Variants in PTPRZ1 observed in about 807,000 individuals in gnomAD.
The protein encoded by PTPRZ1 is receptor-type tyrosine-protein phosphatase zeta.
PTPRZ1 carries 82 observed loss-of-function variants against 214.1 expected under a neutral mutation model. The ratio of observed to expected loss-of-function variants is 0.38; its 90% confidence interval spans 0.32 to 0.46. PTPRZ1 has a LOEUF of 0.46. Ranked by LOEUF, PTPRZ1 falls within the 20% of genes least tolerant of loss-of-function variation. The pLI, the probability that PTPRZ1 is intolerant of heterozygous loss-of-function variation, is 1.00. For missense variants in PTPRZ1, 2,603 were observed against 2,748.7 expected, an observed-to-expected ratio of 0.95 and a Z score of 1.19; for synonymous variants, 945 against 987.9, an observed-to-expected ratio of 0.96 and a Z score of 0.81.
chr7:122,021,248 C>T (rs1347803018), intron 13 of PTPRZ1, among the ~76,000 whole-genome samples: 1 of 152,066 alleles, frequency 6.6e-6, no homozygotes, highest in Non-Finnish European at 1.5e-5. Flanking sequence ...TTTGATATTT[C>T]ATGGAAAATT....
At chr7:122,058,414 AAGTG>A (rs1388689218) in intron 27 of PTPRZ1, among the ~76,000 whole-genome samples, 2 of 152,036 alleles carry the variant, frequency 1.3e-5, no homozygotes, top group Non-Finnish European at 2.9e-5. Context: ...GATTACTGAT[AAGTG>A]AAGAAAGTGT....
Position 122,061,397 on chromosome 7 carries a change from A to G in PTPRZ1, c.*177A>G, listed in dbSNP as rs1792574385. The G allele has an allele frequency of 2.3e-6, 1 of 432,730 alleles. No individual in the cohort carries two copies. Among genetic ancestry groups the G allele is most frequent in the African/African-American group, 2.0e-5 (1 of 49,140 alleles). The allele number at this position is 432,730 out of a possible 1,614,324, so 26.8% of individuals were successfully genotyped here. On this transcript the variant is annotated 3_prime_UTR_variant, in exon 30 of 30. Transcript: ENST00000393386. ...TTAACAATGTGTGCCTTTTTGCAAGACTTGTAATTTACTTATTATGTTTGA... is the reference window on the plus strand; with the variant it reads ...TTAACAATGTGTGCCTTTTTGCAAGGCTTGTAATTTACTTATTATGTTTGA...
intron 4 of PTPRZ1, 99 bp downstream of exon 4, chr7:121,972,791 T>C: frequency 1.0e-6 from 1 of 989,856 alleles, no homozygotes; most frequent in Non-Finnish European, 1.4e-6. Flanking sequence ...AATATTAAAA[T>C]TTATAAAGTG....
At chr7:121,964,904 G>A (rs1014978696) in intron 2 of PTPRZ1, among the ~76,000 whole-genome samples, 1 of 152,172 alleles carries the variant, frequency 6.6e-6, no homozygotes, top group East Asian at 1.9e-4. Flanking sequence ...AGTGTGGCTG[G>A]AGCAGAGTGA....
chr7:122,014,871 C>A (rs941458967), intron 12 of PTPRZ1, among the ~76,000 whole-genome samples: 1 of 152,020 alleles, frequency 6.6e-6, no homozygotes, highest in Non-Finnish European at 1.5e-5. Context: ...GCAGTGTAAA[C>A]CATCAAAATA....
At chr7:121,926,730 A>G (rs2116366640) in intron 1 of PTPRZ1, among the ~76,000 whole-genome samples, 1 of 152,300 alleles carries the variant, frequency 6.6e-6, no homozygotes, top group South Asian at 2.1e-4. Context: ...TGCAGGAATG[A>G]TTACAAAACT....
intron 23 of PTPRZ1, among the ~76,000 whole-genome samples, chr7:122,045,958 G>C (rs1477847523): frequency 2.0e-5 from 3 of 152,118 alleles, no homozygotes; most frequent in African/African-American, 7.2e-5. Context: ...GAGTTTGTCT[G>C]TAGAAAATTT....
At chr7:121,977,697 AG>A (rs1281611178) in intron 6 of PTPRZ1, among the ~76,000 whole-genome samples, 1 of 151,700 alleles carries the variant, frequency 6.6e-6, no homozygotes, top group Non-Finnish European at 1.5e-5. Context: ...GAACTCCTGC[AG>A]GGTAGCTTTT....
At chr7:121,937,594 G>A (rs1458504661) in intron 2 of PTPRZ1, among the ~76,000 whole-genome samples, 6 of 152,192 alleles carry the variant, frequency 3.9e-5, no homozygotes, top group Non-Finnish European at 7.4e-5. Flanking sequence ...CAGCCGAGGT[G>A]CATGTGGTGC....
chr7:121,908,598 T>C, intron 1 of PTPRZ1: 1 of 362,176 alleles, frequency 2.8e-6, no homozygotes, highest in Non-Finnish European at 5.3e-6. Context: ...TGTAATGTTC[T>C]CTTTATTTCC....
chr7:122,005,399 A>G (rs1050615123), intron 11 of PTPRZ1, among the ~76,000 whole-genome samples: 2 of 151,958 alleles, frequency 1.3e-5, no homozygotes, highest in Non-Finnish European at 2.9e-5. Context: ...GTACATGTGT[A>G]TAGATTGTGT....
At position 122,012,624 on chromosome 7, in the gene PTPRZ1, C is replaced by T. The variant is rs746449579; in HGVS notation, c.3578C>T (p.Thr1193Ile). Reference protein sequence around the residue: ...QPSFQASDVDTLLKTVLPAVP... With the variant: ...QPSFQASDVDILLKTVLPAVP... ...TCCTTTCAGGCTTCTGATGTTGACA[C>T]CTTGCTTAAAACTGTTCTTCCAGCT... The change falls in exon 12 of 30, where the codon ACC becomes ATC. Residue 1193 changes from threonine to isoleucine, a missense_variant. Around this residue, in one of 6 missense-constraint regions of PTPRZ1, gnomAD observed 1,913 missense variants for 1,914.3 expected, o/e 1.00. Transcript: ENST00000393386. The T allele has an allele frequency of 1.9e-5, 31 of 1,613,740 alleles. No homozygotes were observed. In the South Asian group the frequency reaches 3.4e-4, roughly 18 times the overall value.
Position 122,061,328 on chromosome 7 carries a change from C to A in PTPRZ1, c.*108C>A. The A allele has an allele frequency of 9.0e-7, 1 of 1,112,776 alleles. No homozygotes were observed. Among genetic ancestry groups the A allele is most frequent in the South Asian group, 2.9e-5 (1 of 34,476 alleles). The allele number at this position is 1,112,776 out of a possible 1,614,324, so 68.9% of individuals were successfully genotyped here. A position where few individuals can be genotyped will look rare whatever the true frequency, so the allele number is the denominator to read the frequency against. ...TATCTGTTGATTTCCCATCACCTGA[C>A]AGTAACTTTCATGACATAGGATTCT... On this transcript the variant is annotated 3_prime_UTR_variant, in exon 30 of 30. Coordinates refer to ENST00000393386, the MANE Select transcript of PTPRZ1 (RefSeq NM_002851.3).
chr7:122,025,611 A>T (rs1455438503), intron 13 of PTPRZ1, among the ~76,000 whole-genome samples: 1 of 152,184 alleles, frequency 6.6e-6, no homozygotes, highest in Admixed American at 6.5e-5. Context: ...GATTACAGGC[A>T]TGAGCCACCA....
intron 9 of PTPRZ1, among the ~76,000 whole-genome samples, chr7:121,997,174 A>G (rs1359087021): frequency 1.3e-5 from 2 of 152,164 alleles, no homozygotes; most frequent in Admixed American, 6.5e-5. Context: ...TTGGCCATAG[A>G]TTAGGGTGTA....
intron 13 of PTPRZ1, among the ~76,000 whole-genome samples, chr7:122,022,683 A>AT (rs1462802029): frequency 1.3e-5 from 2 of 152,216 alleles, no homozygotes; most frequent in East Asian, 3.9e-4. Flanking sequence ...AAATTCATCT[A>AT]TTTTTTCTCT....
intron 1 of PTPRZ1, among the ~76,000 whole-genome samples, chr7:121,915,041 A>C (rs1795381951): frequency 1.3e-5 from 2 of 152,154 alleles, no homozygotes; most frequent in African/African-American, 2.4e-5. Context: ...AGATGGGGGT[A>C]GTCTTTCTCC....
rs1797283901 is a variant in PTPRZ1, at chr7:121,972,481, A to G, written c.305-60A>G. The G allele has an allele frequency of 5.6e-6, 8 of 1,423,516 alleles. No individual in the cohort carries two copies. The South Asian group carries it at 1.1e-4, about 20-fold the overall frequency. 88.2% of individuals were successfully genotyped at this position (1,423,516 alleles called of 1,614,324 possible). ...ATGTACCTTAAGTAGATGGAAATTT[A>G]GTTGAAATTTAAAATTTTGATTTTC... On this transcript the variant is annotated intron_variant, in intron 3 of 29. Transcript: ENST00000393386.
intron 20 of PTPRZ1, among the ~76,000 whole-genome samples, chr7:122,039,989 A>G (rs1799670419): frequency 6.6e-6 from 1 of 151,948 alleles, no homozygotes; most frequent in South Asian, 2.1e-4. Flanking sequence ...CAAAAAAAAA[A>G]GAAAAGAAAA....
Sources: allele counts gnomAD v4.1 joint callset (sites outside exome capture counted in the v4.1 genomes callset), GRCh38; gene constraint gnomAD v4.1.1; regional missense constraint gnomAD v4.1.1; transcripts MANE v1.5; gene names NCBI Gene and HGNC (gene_info 2026-07-23, HGNC 2026-07-21).